Variants in LARP1B observed in about 807,000 individuals in gnomAD.
The protein encoded by LARP1B is la-related protein 1B.
LARP1B carries 76 observed loss-of-function variants against 114.2 expected under a neutral mutation model. That is an observed-to-expected ratio of 0.67 (90% CI 0.55 to 0.81). LARP1B has a LOEUF of 0.81. Among genes scored for constraint, LARP1B ranks in the 30% least tolerant of loss-of-function variants. The pLI, the probability that LARP1B is intolerant of heterozygous loss-of-function variation, is 0.00. For missense variants in LARP1B, 1,014 were observed against 1,075.8 expected (o/e 0.94, Z 0.80); for synonymous variants, 345 against 348.0 (o/e 0.99, Z 0.10).
In LARP1B at chr4:128,107,803, TTTAATG is replaced by T. The variant is rs1293443801; in HGVS notation, c.988+496_988+501del. ...GGTTGTGTTTAGAATTTCCAAAAGA[TTTAATG>T]TTAATAATTTTTTCCTGGATCATTT... On this transcript the variant is annotated intron_variant, in intron 9 of 19. Transcript: ENST00000326639. 3.3e-5 allele frequency: 50 copies of T among 1,531,790 alleles called. 1 individual carries two copies. In the Admixed American group the frequency reaches 9.4e-4, roughly 29 times the overall value. The allele number at this position is 1,531,790 out of a possible 1,614,324, so 94.9% of individuals were successfully genotyped here.
rs535262496 is a variant in LARP1B at position 128,137,207 on chromosome 4, C to T, written c.1524+15019C>T. ...TTGTGCCACTGCACTTCAACCTGGGCGACAGAGCAAGAGTCCATCTCAAAA... is the reference window on the plus strand; with the variant it reads ...TTGTGCCACTGCACTTCAACCTGGGTGACAGAGCAAGAGTCCATCTCAAAA... On this transcript the variant is annotated intron_variant, in intron 11 of 19. Transcript: ENST00000326639. Among the ~76,000 whole-genome samples the T allele has an allele frequency of 1.8e-4, 28 of 151,934 alleles. 1 individual carries two copies. In the South Asian group the frequency reaches 2.7e-3, roughly 15 times the overall value.
chr4:128,117,643 C>G (rs1474732105), intron 10 of LARP1B, among the ~76,000 whole-genome samples: 1 of 151,994 alleles, frequency 6.6e-6, no homozygotes, highest in Admixed American at 6.5e-5. Flanking sequence ...CTCGGCCTCC[C>G]AAAGTGCTGG....
At chr4:128,160,860 A>T (rs1367617252) in intron 11 of LARP1B, among the ~76,000 whole-genome samples, 2 of 152,222 alleles carry the variant, frequency 1.3e-5, no homozygotes, top group African/African-American at 4.8e-5. Flanking sequence ...TTGGGATTTA[A>T]TAAATGGTTT....
chr4:128,104,228 T>C (rs1580426441), intron 8 of LARP1B, among the ~76,000 whole-genome samples: 1 of 152,156 alleles, frequency 6.6e-6, no homozygotes, highest in East Asian at 1.9e-4. Flanking sequence ...CTGCTTTCTG[T>C]ACCCTCCTAG....
At chr4:128,168,000 A>G (rs972087602) in intron 12 of LARP1B, among the ~76,000 whole-genome samples, 10 of 152,170 alleles carry the variant, frequency 6.6e-5, no homozygotes, top group African/African-American at 2.4e-4. Flanking sequence ...GGATGTAAAC[A>G]GTTTATTTAT....
chr4:128,064,240 C>T (rs1397257197), intron 1 of LARP1B, among the ~76,000 whole-genome samples: 2 of 130,084 alleles, frequency 1.5e-5, no homozygotes, highest in South Asian at 2.6e-4. Flanking sequence ...CCACTGTATT[C>T]CAGCCTGGGT....
At chr4:128,200,950 C>G (rs535800763) in intron 17 of LARP1B, among the ~76,000 whole-genome samples, 1 of 152,316 alleles carries the variant, frequency 6.6e-6, no homozygotes, top group African/African-American at 2.4e-5. Flanking sequence ...AACTGCTTAG[C>G]TGGGTGGTTC....
At position 128,219,732 on chromosome 4, in the gene LARP1B, A is replaced by T. The variant is rs1272416783; in HGVS notation, n.849-623A>T. On this transcript the variant is annotated intron_variant and non_coding_transcript_variant, in intron 6 of 7. Transcript: ENST00000503725. ...AGTGGGTGCAGCGCACCAGCATGGC[A>T]CATGTATACATAGGTAACTAACCTG... is the stretch of plus-strand genomic sequence containing the variant. Among the ~76,000 whole-genome samples, 5 of 149,378 alleles carry T rather than the reference A, an allele frequency of 3.3e-5. No individual in the cohort carries two copies. In the East Asian group the frequency reaches 9.8e-4, roughly 29 times the overall value.
At position 128,210,080 on chromosome 4, in the gene LARP1B, C is replaced by T. The variant is rs769273587; in HGVS notation, c.*27C>T. Reference sequence around the variant, plus strand: ...CAGTGCTGCCTGTGTCCTGTGGTCTCAAGAAATGGTGAAATGCCTGAGAAA... The same window carrying T: ...CAGTGCTGCCTGTGTCCTGTGGTCTTAAGAAATGGTGAAATGCCTGAGAAA... On this transcript the variant is annotated 3_prime_UTR_variant, in exon 20 of 20. Coordinates refer to ENST00000326639, the MANE Select transcript of LARP1B (RefSeq NM_018078.4). The T allele has an allele frequency of 6.2e-6, 10 of 1,613,074 alleles. No individual in the cohort carries two copies. Among genetic ancestry groups the T allele is most frequent in the East Asian group, 4.5e-5 (2 of 44,850 alleles).
rs1417116786 is a variant in LARP1B at position 128,210,304 on chromosome 4, A to G, written c.*251A>G. ...AAGGATAGTCTTGGTGACCTTTTATAGAGATCTTCTAGTAATGTATTTTGA... is the reference window on the plus strand; with the variant it reads ...AAGGATAGTCTTGGTGACCTTTTATGGAGATCTTCTAGTAATGTATTTTGA... On this transcript the variant is annotated 3_prime_UTR_variant, in exon 20 of 20. Coordinates refer to ENST00000326639, the MANE Select transcript of LARP1B (RefSeq NM_018078.4). 7.8e-7 allele frequency: 1 copy of G among 1,275,412 alleles called. No individual in the cohort carries two copies. The highest frequency in any genetic ancestry group is 3.4e-5 in the East Asian group (1 of 29,654). The allele number at this position is 1,275,412 out of a possible 1,614,324, so 79.0% of individuals were successfully genotyped here.
At chr4:128,190,954 T>C (rs994272993) in intron 15 of LARP1B, among the ~76,000 whole-genome samples, 2 of 152,246 alleles carry the variant, frequency 1.3e-5, no homozygotes, top group East Asian at 1.9e-4. Flanking sequence ...ATTTGTTCTT[T>C]TGAGATTATT....
intron 5 of LARP1B, among the ~76,000 whole-genome samples, chr4:128,085,854 C>T (rs894714731): frequency 1.4e-4 from 22 of 152,062 alleles, no homozygotes; most frequent in African/African-American, 4.3e-4. Context: ...ATTGATTGGT[C>T]ATATAGTAGC....
intron 1 of LARP1B, chr4:128,061,897 G>T: frequency 1.0e-6 from 1 of 985,104 alleles, no homozygotes; most frequent in Non-Finnish European, 1.2e-6. Flanking sequence ...CGTCGCCGGC[G>T]CTGGTGCTGG....
chr4:128,187,729 G>GTCCCCACC (rs1254552003), intron 15 of LARP1B, among the ~76,000 whole-genome samples: 3 of 152,210 alleles, frequency 2.0e-5, no homozygotes, highest in African/African-American at 4.8e-5. Flanking sequence ...TTGGATCTAT[G>GTCCCCACC]TCCCCACCCA....
At position 128,179,448 on chromosome 4, in the gene LARP1B, C is replaced by G. The variant is rs1747581034; in HGVS notation, c.1939C>G (p.Leu647Val). 4 of 1,611,260 alleles carry G rather than the reference C, an allele frequency of 2.5e-6. No homozygotes were observed. Among genetic ancestry groups the G allele is most frequent in the Non-Finnish European group, 3.4e-6 (4 of 1,178,714 alleles). The stretch of plus-strand genomic sequence containing the variant: ...AACAAGGCATAGCACAAATCCCCCT[C>G]TAGAGTGTCATGTTGGTTGGGTAAT... ...RKTRHSTNPPLECHVGWVMDS... is the reference protein window; with the variant it reads ...RKTRHSTNPPVECHVGWVMDS... The change falls in exon 15 of 20, where the codon CTA becomes GTA. Residue 647 changes from leucine to valine, a missense_variant. By Grantham distance (32) the Leu-to-Val change is conservative. Transcript: ENST00000326639.
chr4:128,065,253 A>ATTTCCTTCTTTC (rs1553982286), intron 1 of LARP1B, among the ~76,000 whole-genome samples: 7 of 89,544 alleles, frequency 7.8e-5, no homozygotes, highest in Non-Finnish European at 1.6e-4. Flanking sequence ...CCCACAATTA[A>ATTTCCTTCTTTC]TTTCTTTCTT....
intron 11 of LARP1B, among the ~76,000 whole-genome samples, chr4:128,158,245 G>A (rs1321901222): frequency 3.3e-5 from 5 of 152,118 alleles, no homozygotes; most frequent in Non-Finnish European, 1.5e-5. Context: ...ATAAAGAAAG[G>A]TGTAAGATGG....
chr4:128,158,995 C>T (rs1737107121), intron 11 of LARP1B, among the ~76,000 whole-genome samples: 1 of 145,260 alleles, frequency 6.9e-6, no homozygotes, highest in African/African-American at 2.6e-5. Flanking sequence ...CATAGTGAGA[C>T]TTCATCTCTT....
rs1379491023 is a variant in LARP1B, at chr4:128,172,917, T to A, written c.1649-3955T>A. On this transcript the variant is annotated intron_variant, in intron 12 of 19. Coordinates refer to ENST00000326639, the MANE Select transcript of LARP1B (RefSeq NM_018078.4). ...TTTATTAGCCTTTTCTTCTACAGAG[T>A]CTATTTTTAATCCCATCCAATGTGT... is the stretch of plus-strand genomic sequence containing the variant. 2.0e-5 allele frequency among the ~76,000 whole-genome samples: 3 copies of A among 149,402 alleles called. No homozygotes were observed. In the East Asian group the frequency reaches 5.9e-4, roughly 29 times the overall value.
Sources: allele counts gnomAD v4.1 joint callset (sites outside exome capture counted in the v4.1 genomes callset), GRCh38; gene constraint gnomAD v4.1.1; transcripts MANE v1.5; gene names NCBI Gene and HGNC (gene_info 2026-07-23, HGNC 2026-07-21).